Variants in HERC1 observed in about 807,000 individuals in gnomAD.
The protein encoded by HERC1 is HECT and RLD domain containing E3 ubiquitin protein ligase family member 1.
Under a neutral mutation model 554.3 loss-of-function variants are expected in HERC1, and 160 were observed. The observed-to-expected ratio is 0.29, with a 90% CI of 0.25 to 0.33. The LOEUF (loss-of-function observed/expected upper bound fraction) is 0.33. Among genes scored for constraint, HERC1 ranks in the 10% least tolerant of loss-of-function variants. The pLI is 1.00. For missense variants in HERC1, 4,919 were observed against 5,918.5 expected, an observed-to-expected ratio of 0.83 and a Z score of 5.54; for synonymous variants, 2,175 against 2,131.7, an observed-to-expected ratio of 1.02 and a Z score of -0.56.
At chr15:63,654,809 C>T (rs11631837) in intron 50 of HERC1, among the ~76,000 whole-genome samples, 75,768 of 150,450 alleles carry the variant, frequency 0.5, 19,916 homozygotes, top group African/African-American at 0.54. Flanking sequence ...ACGGAGGTTG[C>T]GGTGAGCCGA....
intron 1 of HERC1, among the ~76,000 whole-genome samples, chr15:63,831,212 T>A (rs565688568): frequency 6.6e-6 from 1 of 152,206 alleles, no homozygotes; most frequent in East Asian, 1.9e-4. Context: ...GCTCAATTGA[T>A]CCTCCCATCT....
Position 63,734,563 on chromosome 15 carries a change from C to G in HERC1, c.2646+161G>C, listed in dbSNP as rs2141088314. The G allele has an allele frequency of 4.0e-6, 2 of 502,050 alleles. No individual in the cohort carries two copies. Among genetic ancestry groups the G allele is most frequent in the Non-Finnish European group, 6.8e-6 (2 of 292,858 alleles). 31.1% of individuals were successfully genotyped at this position (502,050 alleles called of 1,614,324 possible). A position where few individuals can be genotyped will look rare whatever the true frequency, so the allele number is the denominator to read the frequency against. On this transcript the variant is annotated intron_variant, in intron 13 of 77. Coordinates refer to ENST00000443617, the MANE Select transcript of HERC1 (RefSeq NM_003922.4). The surrounding 1 kb of genome is among the most constrained non-coding windows in gnomAD (Gnocchi z 4.6). ...ACTTAATAAATTATCACTTGCTTCA[C>G]CTAAGGTTGTTAAGACAACTGGGAA...
chr15:63,634,019 C>A, intron 66 of HERC1, 49 bp from the exon 67 acceptor site: 1 of 1,603,224 alleles, frequency 6.2e-7, no homozygotes. Context: ...ACCTAAAACA[C>A]ACTCCCCCGT....
chr15:63,676,960 A>G (rs2071243481), intron 37 of HERC1, among the ~76,000 whole-genome samples: 1 of 152,208 alleles, frequency 6.6e-6, no homozygotes. Context: ...TGACAGGATG[A>G]GTATCCCTTA....
Position 63,749,810 on chromosome 15 carries a change from C to T in HERC1, c.1903-19G>A, listed in dbSNP as rs776940609. On this transcript the variant is annotated intron_variant, in intron 8 of 77. Transcript: ENST00000443617. The surrounding 1 kb of genome is among the most constrained non-coding windows in gnomAD (Gnocchi z 4.1). ...CATAGACCTGAAAAAAACAGAAATA[C>T]GTTACACATAACTTCCTGAGATGAT... 19 of 1,525,396 alleles carry T rather than the reference C, an allele frequency of 1.2e-5. No individual in the cohort carries two copies. Among genetic ancestry groups the T allele is most frequent in the Middle Eastern group, 1.7e-4 (1 of 5,850 alleles). 94.5% of individuals were successfully genotyped at this position (1,525,396 alleles called of 1,614,324 possible). A position where few individuals can be genotyped will look rare whatever the true frequency, so the allele number is the denominator to read the frequency against.
intron 50 of HERC1, among the ~76,000 whole-genome samples, chr15:63,655,057 C>A (rs1396156305): frequency 1.3e-5 from 2 of 151,730 alleles, no homozygotes; most frequent in Non-Finnish European, 2.9e-5. Flanking sequence ...GCTGATAGAT[C>A]CAAAAGCCAG....
In HERC1 at chr15:63,698,714, T is replaced by C. The variant is rs2072563924; in HGVS notation, c.4905+14A>G. 6.2e-6 allele frequency: 10 copies of C among 1,608,584 alleles called. No individual in the cohort carries two copies. The highest frequency in any genetic ancestry group is 1.3e-5 in the African/African-American group (1 of 74,802). Reference sequence around the variant, plus strand: ...TTCCAGAGCTCTCATAAGGAGTAAATATCAAAGACTTACTTCTGCCCTTAA... The same window carrying C: ...TTCCAGAGCTCTCATAAGGAGTAAACATCAAAGACTTACTTCTGCCCTTAA... On this transcript the variant is annotated intron_variant, in intron 26 of 77. Transcript: ENST00000443617.
chr15:63,679,963 T>G (rs2071397449), intron 36 of HERC1, 114 bp downstream of exon 36: 1 of 630,636 alleles, frequency 1.6e-6, no homozygotes, highest in Non-Finnish European at 2.6e-6. Context: ...ATGGATTACC[T>G]AAGTCAAGTA....
At chr15:63,815,914 A>C (rs1335437711) in intron 1 of HERC1, among the ~76,000 whole-genome samples, 1 of 152,138 alleles carries the variant, frequency 6.6e-6, no homozygotes, top group Non-Finnish European at 1.5e-5. Flanking sequence ...GTGCCTAGCA[A>C]AAGGGGGGAA....
Position 63,692,525 on chromosome 15 carries a change from C to A in HERC1, c.5716G>T (p.Asp1906Tyr), listed in dbSNP as rs1241342241. The change falls in exon 31 of 78, where the codon GAT (aspartate) becomes TAT (tyrosine). Residue 1906 changes from aspartate (D) to tyrosine (Y), a missense_variant. By Grantham distance (160) the Asp-to-Tyr change is radical. Coordinates refer to ENST00000443617, the MANE Select transcript of HERC1 (RefSeq NM_003922.4). The surrounding 1 kb of genome is among the most constrained non-coding windows in gnomAD (Gnocchi z 4.7). ...ACTCTGCGAAGAAAAACTAAAAAAT[C>A]CCCTAGATGGAGTTCGGCTGCATGT... ...KQHAAELHLG[D>Y]FLVFLRRVVS... The A allele has an allele frequency of 1.2e-6, 2 of 1,612,642 alleles. No individual in the cohort carries two copies.
intron 63 of HERC1, 63 bp from the exon 64 acceptor site, chr15:63,637,706 C>T (rs1053582888): frequency 9.7e-6 from 13 of 1,335,852 alleles, no homozygotes; most frequent in Middle Eastern, 3.7e-4. Flanking sequence ...CATGCAAGCA[C>T]TTGAAATGAT....
chr15:63,730,854 T>C (rs890379840), intron 14 of HERC1, among the ~76,000 whole-genome samples: 1 of 152,224 alleles, frequency 6.6e-6, no homozygotes, highest in Non-Finnish European at 1.5e-5. Flanking sequence ...TTACTTCAAG[T>C]TAAAAATATT....
chr15:63,797,983 C>T (rs2076862831), intron 1 of HERC1, among the ~76,000 whole-genome samples: 1 of 152,172 alleles, frequency 6.6e-6, no homozygotes, highest in Non-Finnish European at 1.5e-5. Context: ...ATATCACTCC[C>T]TGGAAAAATT....
At chr15:63,771,130 A>G (rs1041759599) in intron 2 of HERC1, among the ~76,000 whole-genome samples, 11 of 151,996 alleles carry the variant, frequency 7.2e-5, no homozygotes, top group African/African-American at 2.7e-4. Context: ...CAGAGGTTGC[A>G]GTGAGCCAAG....
At chr15:63,704,884 G>A (rs1012678109) in intron 25 of HERC1, among the ~76,000 whole-genome samples, 15 of 151,578 alleles carry the variant, frequency 9.9e-5, no homozygotes, top group Admixed American at 1.3e-4. Context: ...GACTACAGGC[G>A]CCCACCACCA....
chr15:63,790,316 T>C (rs892505559), intron 1 of HERC1, among the ~76,000 whole-genome samples: 4 of 152,236 alleles, frequency 2.6e-5, no homozygotes, highest in Admixed American at 1.3e-4. Context: ...CGGTGGCTCA[T>C]GCCTGTAATC....
At chr15:63,759,124 T>A (rs1332961091) in intron 3 of HERC1, among the ~76,000 whole-genome samples, 1 of 152,108 alleles carries the variant, frequency 6.6e-6, no homozygotes, top group South Asian at 2.1e-4. Context: ...TATTACTTCC[T>A]TAGTAGAGAA....
At chr15:63,739,229 G>C (rs140516202) in intron 12 of HERC1, among the ~76,000 whole-genome samples, 1 of 115,664 alleles carries the variant, frequency 8.6e-6, no homozygotes, top group Non-Finnish European at 1.7e-5. Context: ...ATGGAGACTC[G>C]TTCTGTTGCC....
chr15:63,769,773 T>C (rs2075893676), intron 2 of HERC1, among the ~76,000 whole-genome samples: 1 of 152,034 alleles, frequency 6.6e-6, no homozygotes, highest in Admixed American at 6.6e-5. Context: ...GGAGAATCGC[T>C]TGAACCCGGG....
Sources: gnomAD v4.1 joint callset for allele counts (sites outside exome capture counted in the v4.1 genomes callset) on GRCh38, gnomAD v4.1.1 for gene constraint, Gnocchi (gnomAD v3.1) non-coding constraint, MANE v1.5 for transcripts, NCBI Gene and HGNC (gene_info 2026-07-23, HGNC 2026-07-21) for gene names.